Variants in CMBL observed in about 807,000 individuals in gnomAD.
CMBL encodes carboxymethylenebutenolidase homolog (Pseudomonas).
CMBL carries 17 observed loss-of-function variants against 28.7 expected under a neutral mutation model. The ratio of observed to expected loss-of-function variants is 0.59; its 90% CI spans 0.41 to 0.89. The LOEUF is 0.89. Ranked by LOEUF, CMBL falls within the 40% of genes least tolerant of loss-of-function variation. The pLI, the probability that CMBL is intolerant of heterozygous loss-of-function variation, is 0.00. For synonymous variants in CMBL, 106 were observed against 101.6 expected (o/e 1.04, Z -0.26); for missense variants, 310 against 298.5 (o/e 1.04, Z -0.28).
At chr5:10,304,478 C>T (rs1746963320) in intron 1 of CMBL, among the ~76,000 whole-genome samples, 1 of 152,240 alleles carries the variant, frequency 6.6e-6, no homozygotes, top group African/African-American at 2.4e-5. Context: ...ACTATTCTTC[C>T]CACACTGGAA....
At chr5:10,305,412 A>G (rs192694523) in intron 1 of CMBL, among the ~76,000 whole-genome samples, 140 of 149,132 alleles carry the variant, frequency 9.4e-4, no homozygotes, top group South Asian at 1.9e-3. Flanking sequence ...TTTGATGTGT[A>G]ATTTTCCAGA....
At chr5:10,302,803 A>C (rs2126564626) in intron 1 of CMBL, among the ~76,000 whole-genome samples, 1 of 152,338 alleles carries the variant, frequency 6.6e-6, no homozygotes, top group Middle Eastern at 3.4e-3. Context: ...GCCCTGAAAC[A>C]AATCAAGTAT....
rs564934988 is a variant in CMBL, at chr5:10,284,764, T to C, written c.466+1590A>G. ...ATGGGTTTATCAAGACTTAGCCCCA[T>C]TGTAAGTAGAGGAGCATCTGCATTA... On this transcript the variant is annotated intron_variant, in intron 4 of 5. Transcript: ENST00000296658. Among the ~76,000 whole-genome samples, 13 of 152,298 alleles carry C rather than the reference T, an allele frequency of 8.5e-5. No individual in the cohort carries two copies. The South Asian group carries it at 2.3e-3, about 27-fold the overall frequency.
chr5:10,305,289 T>G (rs1314629677), intron 1 of CMBL, among the ~76,000 whole-genome samples: 4 of 152,162 alleles, frequency 2.6e-5, no homozygotes, highest in Non-Finnish European at 5.9e-5. Context: ...CCATAGACAT[T>G]GCTGCAAGGT....
At chr5:10,304,166 G>A (rs1281337270) in intron 1 of CMBL, among the ~76,000 whole-genome samples, 1 of 151,304 alleles carries the variant, frequency 6.6e-6, no homozygotes, top group East Asian at 1.9e-4. Flanking sequence ...TTCAAGACCT[G>A]CCTGGGCAAC....
chr5:10,286,309 A>G, intron 4 of CMBL, 45 bp downstream of exon 4: 1 of 1,579,946 alleles, frequency 6.3e-7, no homozygotes, highest in Non-Finnish European at 8.6e-7. Flanking sequence ...TCACTCTTCC[A>G]CCCCTCCCTT....
At chr5:10,281,878 G>A (rs1295781130) in intron 5 of CMBL, among the ~76,000 whole-genome samples, 5 of 150,894 alleles carry the variant, frequency 3.3e-5, no homozygotes, top group Non-Finnish European at 4.4e-5. Flanking sequence ...ATATAAATGA[G>A]GCCAGGCGTG....
intron 4 of CMBL, among the ~76,000 whole-genome samples, chr5:10,285,220 G>A (rs771096443): frequency 6.6e-6 from 1 of 152,162 alleles, no homozygotes; most frequent in Non-Finnish European, 1.5e-5. Flanking sequence ...CTGGGTTGGA[G>A]TGCAGTGGCA....
At chr5:10,281,332 C>T (rs1428178043) in intron 5 of CMBL, among the ~76,000 whole-genome samples, 1 of 152,182 alleles carries the variant, frequency 6.6e-6, no homozygotes, top group African/African-American at 2.4e-5. Flanking sequence ...ATCTTCCTGC[C>T]TCAGGCTCCC....
At chr5:10,292,192 C>G (rs1199749491) in intron 1 of CMBL, 2 of 148,998 alleles carry the variant, frequency 1.3e-5, no homozygotes. Context: ...CTAGCTGAGA[C>G]AGATTCTCAA....
chr5:10,285,426 C>T (rs1311042700), intron 4 of CMBL, among the ~76,000 whole-genome samples: 1 of 151,928 alleles, frequency 6.6e-6, no homozygotes, highest in Non-Finnish European at 1.5e-5. Context: ...CTCGGCCTCC[C>T]AAAGTGCTGG....
chr5:10,307,249 C>T (rs1016982281), intron 1 of CMBL: 1 of 152,202 alleles, frequency 6.6e-6, no homozygotes, highest in Non-Finnish European at 1.5e-5. Flanking sequence ...GAATGTCTCA[C>T]TGCAGGAAGA....
intron 2 of CMBL, among the ~76,000 whole-genome samples, chr5:10,288,954 A>T (rs1186326263): frequency 6.6e-6 from 1 of 152,226 alleles, no homozygotes; most frequent in Non-Finnish European, 1.5e-5. Flanking sequence ...TAACTTGTCC[A>T]GTCACTATGA....
chr5:10,295,346 A>G (rs1306165814), intron 1 of CMBL, among the ~76,000 whole-genome samples: 1 of 152,178 alleles, frequency 6.6e-6, no homozygotes, highest in Non-Finnish European at 1.5e-5. Context: ...TGGCCTCCCA[A>G]AGTGCTGGGA....
rs1345624249 is a variant in CMBL, at chr5:10,278,524, T to C, written c.*1929A>G. 3.9e-5 allele frequency among the ~76,000 whole-genome samples: 6 copies of C among 152,192 alleles called. No individual in the cohort carries two copies. In the East Asian group the frequency reaches 1.2e-3, roughly 30 times the overall value. On this transcript the variant is annotated 3_prime_UTR_variant, in exon 6 of 6. Transcript: ENST00000296658. ...TTAGAACCTCCAGGGGAAACCTGCA[T>C]AGATGACACCCTGGGCCCCAGTGAA...
intron 4 of CMBL, among the ~76,000 whole-genome samples, chr5:10,285,686 T>TTCTCTC (rs67718297): frequency 3.8e-5 from 3 of 78,938 alleles, no homozygotes; most frequent in African/African-American, 9.2e-5. Context: ...CTTTCTTTCT[T>TTCTCTC]TCTCTTTCTT....
In CMBL at chr5:10,290,734, C is replaced by G. The variant is rs377251688; in HGVS notation, c.29G>C (p.Cys10Ser). 5.0e-6 allele frequency: 8 copies of G among 1,614,072 alleles called. No homozygotes were observed. In the African/African-American group the frequency reaches 5.3e-5, roughly 11 times the overall value. The change falls in exon 2 of 6, where the codon TGT becomes TCT. Residue 10 changes from cysteine (C) to serine (S), a missense_variant. Transcript: ENST00000296658. MANEAYPCP[C>S]DIGHRLEYGG... Reference sequence around the variant, plus strand: ...ATACTCAAGTCTGTGGCCAATGTCACACGGACAAGGATAAGCTTCGTTAGC... The same window carrying G: ...ATACTCAAGTCTGTGGCCAATGTCAGACGGACAAGGATAAGCTTCGTTAGC...
At chr5:10,291,789 C>T (rs565536743) in intron 1 of CMBL, among the ~76,000 whole-genome samples, 1 of 152,326 alleles carries the variant, frequency 6.6e-6, no homozygotes, top group South Asian at 2.1e-4. Context: ...CTGCCTGGAA[C>T]ACCAGGCAGA....
Position 10,278,251 on chromosome 5 carries a change from A to C in CMBL, c.*2202T>G, listed in dbSNP as rs1006972660. On this transcript the variant is annotated 3_prime_UTR_variant, in exon 6 of 6. Transcript: ENST00000296658. Reference sequence around the variant, plus strand: ...AGTTGGACTTTCTCATACTAGAAGCAGGGATTAGTAACACAGTTTCCAGTT... The same window carrying C: ...AGTTGGACTTTCTCATACTAGAAGCCGGGATTAGTAACACAGTTTCCAGTT... Among the ~76,000 whole-genome samples, 1 of 152,196 alleles carries C rather than the reference A, an allele frequency of 6.6e-6. No individual in the cohort carries two copies. The highest frequency in any genetic ancestry group is 2.4e-5 in the African/African-American group (1 of 41,462).
Sources: allele counts gnomAD v4.1 joint callset (sites outside exome capture counted in the v4.1 genomes callset), GRCh38; gene constraint gnomAD v4.1.1; transcripts MANE v1.5; gene names NCBI Gene and HGNC (gene_info 2026-07-23, HGNC 2026-07-21).